The following HNRNPLL variants were observed in gnomAD, a reference collection of about 807,000 sequenced individuals.
HNRNPLL encodes the protein heterogeneous nuclear ribonucleoprotein L like, also known as heterogeneous nuclear ribonucleoprotein L-like.
Under a neutral mutation model 67.1 loss-of-function variants are expected in HNRNPLL, and 25 were observed. The ratio of observed to expected loss-of-function variants is 0.37; its 90% CI spans 0.27 to 0.52. HNRNPLL has a LOEUF of 0.52. Ranked by LOEUF, HNRNPLL falls within the 20% of genes least tolerant of loss-of-function variation. The pLI, the probability that HNRNPLL is intolerant of heterozygous loss-of-function variation, is 0.90. For missense variants in HNRNPLL, 542 were observed against 673.9 expected, an observed-to-expected ratio of 0.80 and a Z score of 2.17; for synonymous variants, 267 against 241.7, an observed-to-expected ratio of 1.10 and a Z score of -0.97.
intron 12 of HNRNPLL, among the ~76,000 whole-genome samples, chr2:38,566,394 C>G: frequency 7.9e-6 from 1 of 126,210 alleles, no homozygotes; most frequent in Admixed American, 7.5e-5. Context: ...AAAAAAAAAA[C>G]CAAAAAGGCC....
Position 38,602,885 on chromosome 2 carries a change from C to G in HNRNPLL, c.-259G>C, listed in dbSNP as rs996538508. ...GCCAACATTCAGCCTCTCCCTCCTC[C>G]TCCTCCGTCTCCGCTCCCTGCCCGG... On this transcript the variant is annotated 5_prime_UTR_variant, in exon 1 of 13. Transcript: ENST00000449105. The G allele has an allele frequency of 1.3e-6, 2 of 1,548,130 alleles. No individual in the cohort carries two copies. Among genetic ancestry groups the G allele is most frequent in the African/African-American group, 2.7e-5 (2 of 72,754 alleles).
intron 5 of HNRNPLL, 21 bp from the exon 6 acceptor site, chr2:38,582,006 G>A (rs1191887262): frequency 6.2e-7 from 1 of 1,605,288 alleles, no homozygotes; most frequent in Non-Finnish European, 8.5e-7. Flanking sequence ...TGAAAATAAT[G>A]TAAGTTCAAA....
chr2:38,600,032 T>C, intron 1 of HNRNPLL: 1 of 390,806 alleles, frequency 2.6e-6, no homozygotes, highest in Non-Finnish European at 5.3e-6. Flanking sequence ...ACAGTAAACT[T>C]CTATCCGGGG....
chr2:38,573,065 C>T, intron 8 of HNRNPLL, 145 bp downstream of exon 8: 1 of 622,482 alleles, frequency 1.6e-6, no homozygotes. Context: ...TCCAGAGTTC[C>T]TATATAATAG....
intron 2 of HNRNPLL, among the ~76,000 whole-genome samples, chr2:38,589,071 C>G (rs1330322220): frequency 6.6e-6 from 1 of 152,152 alleles, no homozygotes; most frequent in East Asian, 1.9e-4. Flanking sequence ...TTCCTAATAT[C>G]TCCTTTAATG....
intron 9 of HNRNPLL, 145 bp downstream of exon 9, chr2:38,569,659 T>C (rs1275701895): frequency 9.3e-6 from 5 of 536,990 alleles, no homozygotes; most frequent in Admixed American, 3.7e-5. Flanking sequence ...CTAACTCTTG[T>C]CTAAAATAAC....
chr2:38,590,801 C>A (rs1666929821), intron 2 of HNRNPLL, among the ~76,000 whole-genome samples: 1 of 152,094 alleles, frequency 6.6e-6, no homozygotes, highest in Non-Finnish European at 1.5e-5. Flanking sequence ...GAGCCCAGGA[C>A]AGCAGCTGAG....
At chr2:38,576,195 C>A (rs1402624957) in intron 7 of HNRNPLL, among the ~76,000 whole-genome samples, 1 of 151,788 alleles carries the variant, frequency 6.6e-6, no homozygotes, top group Non-Finnish European at 1.5e-5. Flanking sequence ...TATTCTTTCA[C>A]AGATTTTTCT....
chr2:38,594,727 A>G (rs1236676531), intron 1 of HNRNPLL, among the ~76,000 whole-genome samples: 1 of 151,660 alleles, frequency 6.6e-6, no homozygotes, highest in East Asian at 1.9e-4. Flanking sequence ...CACAGGCAAA[A>G]TCACCTGAGG....
chr2:38,591,674 T>TA (rs1217324787), intron 1 of HNRNPLL, 26 bp from the exon 2 acceptor site: 3 of 1,531,428 alleles, frequency 2.0e-6, no homozygotes, highest in South Asian at 2.2e-5. Flanking sequence ...AATTTCTAGT[T>TA]AAAAAAATTT....
At chr2:38,568,082 G>T in intron 12 of HNRNPLL, 117 bp downstream of exon 12, 2 of 635,334 alleles carry the variant, frequency 3.1e-6, no homozygotes, top group Non-Finnish European at 5.4e-6. Context: ...TTTCTTTTTT[G>T]TATTTATCTG....
intron 1 of HNRNPLL, among the ~76,000 whole-genome samples, chr2:38,595,805 C>T (rs567169012): frequency 1.3e-5 from 2 of 152,174 alleles, no homozygotes; most frequent in East Asian, 3.9e-4. Context: ...GATCGCGCCA[C>T]TGCACTCCAG....
At chr2:38,570,267 C>A (rs1254759023) in intron 8 of HNRNPLL, among the ~76,000 whole-genome samples, 1 of 152,186 alleles carries the variant, frequency 6.6e-6, no homozygotes, top group Non-Finnish European at 1.5e-5. Flanking sequence ...AATATTTACT[C>A]TTTCAACAAA....
At chr2:38,576,834 C>A (rs964908644) in intron 7 of HNRNPLL, among the ~76,000 whole-genome samples, 2 of 151,892 alleles carry the variant, frequency 1.3e-5, no homozygotes, top group African/African-American at 4.8e-5. Context: ...AAACAATTTA[C>A]AGCTAGTTAA....
intron 2 of HNRNPLL, among the ~76,000 whole-genome samples, chr2:38,588,327 A>G (rs1267842313): frequency 6.6e-6 from 1 of 152,134 alleles, no homozygotes; most frequent in Non-Finnish European, 1.5e-5. Flanking sequence ...AGGTGGGTGG[A>G]TCACAAGGTC....
At chr2:38,566,957 A>T (rs1481855208) in intron 12 of HNRNPLL, among the ~76,000 whole-genome samples, 2 of 152,222 alleles carry the variant, frequency 1.3e-5, no homozygotes, top group African/African-American at 4.8e-5. Context: ...GGTAAATAAG[A>T]CAAAACTGTG....
chr2:38,595,536 G>T (rs918949668), intron 1 of HNRNPLL, among the ~76,000 whole-genome samples: 1 of 151,942 alleles, frequency 6.6e-6, no homozygotes, highest in African/African-American at 2.4e-5. Context: ...TGAAACCACA[G>T]TCATCACTTA....
chr2:38,575,905 A>G (rs538675781), intron 7 of HNRNPLL, among the ~76,000 whole-genome samples: 47 of 151,612 alleles, frequency 3.1e-4, no homozygotes, highest in African/African-American at 1.1e-3. Context: ...TTCCTCCTAT[A>G]CCCCAATTCT....
intron 7 of HNRNPLL, among the ~76,000 whole-genome samples, chr2:38,576,153 C>T (rs1666292654): frequency 6.6e-6 from 1 of 151,786 alleles, no homozygotes; most frequent in African/African-American, 2.4e-5. Flanking sequence ...TCTGTTTCCA[C>T]ACTACTACAG....
Sources: allele counts gnomAD v4.1 joint callset (sites outside exome capture counted in the v4.1 genomes callset), GRCh38; gene constraint gnomAD v4.1.1; transcripts MANE v1.5; gene names NCBI Gene and HGNC (gene_info 2026-07-23, HGNC 2026-07-21).